Variants in UGT1A8 observed in about 807,000 individuals in gnomAD.
UGT1A8 encodes UDP-glucuronosyltransferase 1A8.
Under a neutral mutation model 45.3 loss-of-function variants are expected in UGT1A8, and 39 were observed. The observed-to-expected ratio is 0.86, with a 90% confidence interval of 0.67 to 1.12. UGT1A8 has a LOEUF of 1.12. UGT1A8 is among the 50% of genes most tolerant of loss of function. The pLI is 0.00. For synonymous variants in UGT1A8, 275 were observed against 249.2 expected (o/e 1.10, Z -0.97); for missense variants, 719 against 664.9 (o/e 1.08, Z -0.90).
chr2:233,720,299 G>A (rs1559365753), intron 1 of UGT1A8, among the ~76,000 whole-genome samples: 1 of 152,118 alleles, frequency 6.6e-6, no homozygotes, highest in Admixed American at 6.5e-5. Flanking sequence ...AGGAGTTGGG[G>A]GTCTGGTGTA....
chr2:233,754,139 A>G (rs1695404241), intron 1 of UGT1A8, among the ~76,000 whole-genome samples: 1 of 152,234 alleles, frequency 6.6e-6, no homozygotes, highest in South Asian at 2.1e-4. Flanking sequence ...ATTAAAAGCC[A>G]TCATTAAATT....
At chr2:233,646,780 A>G (rs1189488673) in intron 1 of UGT1A8, among the ~76,000 whole-genome samples, 1 of 152,042 alleles carries the variant, frequency 6.6e-6, no homozygotes, top group African/African-American at 2.4e-5. Flanking sequence ...ACTTTCCTAC[A>G]TTTTCCTGTC....
rs35041092 is a variant in UGT1A8 at position 233,761,235 on chromosome 2, C to T, written c.856-5799C>T. 9.3e-4 allele frequency: 1,493 copies of T among 1,612,640 alleles called. 2 individuals are homozygous for T. The highest frequency in any genetic ancestry group is 1.5e-3 in the Middle Eastern group (9 of 6,058). ...TCGATTAACTAGCCCCAGATATATG[C>T]TGAGCAAGCATTCTGAGATAATTTA... On this transcript the variant is annotated intron_variant, in intron 1 of 4. Coordinates refer to ENST00000373450, the MANE Select transcript of UGT1A8 (RefSeq NM_019076.5).
chr2:233,748,167 T>C, intron 1 of UGT1A8: 1 of 1,593,478 alleles, frequency 6.3e-7, no homozygotes, highest in Admixed American at 1.7e-5. Flanking sequence ...CCATATCTAC[T>C]TATCTTTCTG....
intron 1 of UGT1A8, among the ~76,000 whole-genome samples, chr2:233,727,137 A>T (rs1221662096): frequency 6.6e-6 from 1 of 152,174 alleles, no homozygotes; most frequent in Non-Finnish European, 1.5e-5. Context: ...GGGGAACAAG[A>T]CCACACAGGT....
At chr2:233,724,521 G>A (rs2077274560) in intron 1 of UGT1A8, among the ~76,000 whole-genome samples, 2 of 124,734 alleles carry the variant, frequency 1.6e-5, no homozygotes, top group Middle Eastern at 4.5e-3. Context: ...CCTCCCAGAT[G>A]GGGTCTCGCC....
chr2:233,767,992 C>T, intron 3 of UGT1A8, 56 bp downstream of exon 3: 1 of 1,614,084 alleles, frequency 6.2e-7, no homozygotes, highest in South Asian at 1.1e-5. Flanking sequence ...AAGAAAATGG[C>T]TTAAGCACAG....
At chr2:233,637,222 A>G (rs1216379906) in intron 1 of UGT1A8, 1 of 1,613,852 alleles carries the variant, frequency 6.2e-7, no homozygotes, top group Non-Finnish European at 8.5e-7. Flanking sequence ...AGCCTCTGAA[A>G]TTCTCCAAAC....
At chr2:233,714,266 G>A (rs374255632) in intron 1 of UGT1A8, among the ~76,000 whole-genome samples, 1 of 152,208 alleles carries the variant, frequency 6.6e-6, no homozygotes, top group African/African-American at 2.4e-5. Flanking sequence ...ATTTACAATT[G>A]TTGACGTGAC....
intron 1 of UGT1A8, among the ~76,000 whole-genome samples, chr2:233,733,067 T>A (rs1039618890): frequency 3.2e-4 from 48 of 152,298 alleles, no homozygotes; most frequent in Non-Finnish European, 4.6e-4. Flanking sequence ...ATTCTCTTTG[T>A]AGCAATTGTG....
chr2:233,625,303 A>C (rs1202340756), intron 1 of UGT1A8, among the ~76,000 whole-genome samples: 1 of 152,096 alleles, frequency 6.6e-6, no homozygotes, highest in African/African-American at 2.4e-5. Flanking sequence ...ATGCTTGTGA[A>C]GCTGCTGAGA....
intron 1 of UGT1A8, among the ~76,000 whole-genome samples, chr2:233,646,133 A>G (rs759094074): frequency 2.0e-5 from 3 of 152,188 alleles, no homozygotes; most frequent in Admixed American, 6.5e-5. Flanking sequence ...TTCTGAAGCC[A>G]TGGTGTGAGC....
chr2:233,679,490 C>T (rs1407280819), intron 1 of UGT1A8, among the ~76,000 whole-genome samples: 1 of 152,162 alleles, frequency 6.6e-6, no homozygotes, highest in Non-Finnish European at 1.5e-5. Context: ...TCCCTTCCTG[C>T]CTTACATTCT....
intron 1 of UGT1A8, among the ~76,000 whole-genome samples, chr2:233,744,310 G>A (rs1252338874): frequency 6.6e-6 from 1 of 151,840 alleles, no homozygotes; most frequent in Non-Finnish European, 1.5e-5. Context: ...CAGGAGGGAA[G>A]AGGGTGGTGG....
chr2:233,772,485 T>A lies in UGT1A8; in HGVS notation c.1519T>A (p.Cys507Ser). The change falls in exon 5 of 5, where the codon TGT becomes AGT. Residue 507 changes from cysteine (C) to serine (S), a missense_variant. Physicochemically the swap from Cys to Ser is moderately radical, Grantham distance 112 (BLOSUM62 -1). Transcript: ENST00000373450. The stretch of plus-strand genomic sequence containing the variant: ...AGTGGCCTTCATCACCTTTAAATGT[T>A]GTGCTTATGGCTACCGGAAATGCTT... ...LTVAFITFKC[C>S]AYGYRKCLGK... 2 of 1,614,206 alleles carry A rather than the reference T, an allele frequency of 1.2e-6. No individual in the cohort carries two copies. The highest frequency in any genetic ancestry group is 1.7e-6 in the Non-Finnish European group (2 of 1,180,040).
At chr2:233,667,775 G>GA (rs922008483) in intron 1 of UGT1A8, among the ~76,000 whole-genome samples, 32 of 152,124 alleles carry the variant, frequency 2.1e-4, no homozygotes, top group African/African-American at 7.7e-4. Context: ...AAAGACACAT[G>GA]AAAAAATGCT....
rs529320907 is a variant in UGT1A8 at position 233,713,045 on chromosome 2, T to C, written c.856-53989T>C. The C allele has an allele frequency of 6.2e-6, 10 of 1,614,044 alleles. No homozygotes were observed. The Admixed American group carries it at 6.7e-5, about 11-fold the overall frequency. ...CGCAGCTGGCCACAGGACTGCTGCT[T>C]CTCCTCAGTGTCCAGCCCTGGGCTG... On this transcript the variant is annotated intron_variant, in intron 1 of 4. Coordinates refer to ENST00000373450, the MANE Select transcript of UGT1A8 (RefSeq NM_019076.5).
At chr2:233,682,799 T>C (rs749393372) in intron 1 of UGT1A8, 9 of 1,609,704 alleles carry the variant, frequency 5.6e-6, no homozygotes, top group Middle Eastern at 3.3e-4. Context: ...TATGGTAAGT[T>C]ATCTCCCCTT....
chr2:233,757,558 A>ATG lies in UGT1A8; in HGVS notation c.856-9475_856-9474insGT, dbSNP rs896198958. On this transcript the variant is annotated intron_variant, in intron 1 of 4. Coordinates refer to ENST00000373450, the MANE Select transcript of UGT1A8 (RefSeq NM_019076.5). ...GGAATATATATATATATATATATAT[A>ATG]TATGTATATATGATATAGCTATAGT... is the stretch of plus-strand genomic sequence containing the variant. Among the ~76,000 whole-genome samples, 13 of 124,446 alleles carry ATG rather than the reference A, an allele frequency of 1.0e-4. 1 individual carries two copies. The highest frequency in any genetic ancestry group is 1.7e-4 in the Non-Finnish European group (10 of 60,604). 81.6% of individuals were successfully genotyped at this position (124,446 alleles called of 152,430 possible).
Sources: allele counts gnomAD v4.1 joint callset (sites outside exome capture counted in the v4.1 genomes callset), GRCh38; gene constraint gnomAD v4.1.1; transcripts MANE v1.5; gene names NCBI Gene and HGNC (gene_info 2026-07-23, HGNC 2026-07-21).